The following PPP2R2D variants were observed in gnomAD, a reference collection of about 807,000 sequenced individuals.
PPP2R2D encodes serine/threonine-protein phosphatase 2A 55 kDa regulatory subunit B delta isoform.
In PPP2R2D, 9 loss-of-function variants were observed where a neutral mutation model predicts 31.1. That is an observed-to-expected ratio of 0.29 (90% confidence interval 0.17 to 0.51). The LOEUF is 0.51. Among genes scored for constraint, PPP2R2D ranks in the 20% least tolerant of loss-of-function variants. PPP2R2D has a pLI of 0.98. For missense variants in PPP2R2D, 391 were observed against 465.6 expected, an observed-to-expected ratio of 0.84 and a Z score of 1.48; for synonymous variants, 179 against 172.6, an observed-to-expected ratio of 1.04 and a Z score of -0.29.
intron 3 of PPP2R2D, chr10:131,934,927 T>C (rs1554896257): frequency 2.2e-6 from 1 of 457,458 alleles, no homozygotes; most frequent in East Asian, 6.9e-5. Flanking sequence ...TGCCCTGCCA[T>C]GAAGTGTGAG....
the PPP2R2D span, chr10:131,969,900 CA>C: frequency 6.6e-6 from 1 of 152,420 alleles, no homozygotes; most frequent in African/African-American, 2.4e-5. Context: ...TATAAGCAGC[CA>C]GGAAAGGCCA....
intron 2 of PPP2R2D, among the ~76,000 whole-genome samples, chr10:131,903,774 G>A (rs2035539563): frequency 6.6e-6 from 1 of 152,194 alleles, no homozygotes; most frequent in African/African-American, 2.4e-5. Flanking sequence ...TGATACCGTT[G>A]CTTTGTATTA....
At chr10:131,935,683 T>A (rs1156489869) in intron 3 of PPP2R2D, among the ~76,000 whole-genome samples, 2 of 152,194 alleles carry the variant, frequency 1.3e-5, no homozygotes, top group East Asian at 3.9e-4. Context: ...ATAATAAGTA[T>A]ATCGTTAATA....
rs1554897090 is a variant in PPP2R2D, at chr10:131,940,597, T to G, written c.380T>G (p.Leu127Ter). Residue 127 changes from leucine (L) to a stop codon, truncating the protein, a stop_gained, in exon 5 of 9, where the codon TTA becomes TGA. Transcript: ENST00000455566. LOFTEE classifies it high-confidence loss of function. Reference sequence around the variant, plus strand: ...TTATTTTCAGATAAAACTATAAAATTATGGAAAATAAGTGAACGGGATAAA... The same window carrying G: ...TTATTTTCAGATAAAACTATAAAATGATGGAAAATAAGTGAACGGGATAAA... Reference protein sequence around the residue: ...LLSTNDKTIKLWKISERDKRA... With the variant: ...LLSTNDKTIK The G allele has an allele frequency of 1.3e-6, 1 of 765,802 alleles. No individual in the cohort carries two copies. Among genetic ancestry groups the G allele is most frequent in the Non-Finnish European group, 2.4e-6 (1 of 410,974 alleles). The allele number at this position is 765,802 out of a possible 1,614,324, so 47.4% of individuals were successfully genotyped here.
At chr10:131,906,663 G>A (rs1406837861) in intron 2 of PPP2R2D, among the ~76,000 whole-genome samples, 2 of 151,562 alleles carry the variant, frequency 1.3e-5, no homozygotes, top group African/African-American at 4.9e-5. Flanking sequence ...GCTCACGCCT[G>A]TAGTCTCAGC....
chr10:131,902,343 CT>C, intron 2 of PPP2R2D, among the ~76,000 whole-genome samples: 1 of 152,230 alleles, frequency 6.6e-6, no homozygotes, highest in Middle Eastern at 3.4e-3. Flanking sequence ...GTCCTGTTCA[CT>C]TCCCTCCATC....
At chr10:131,918,103 T>C (rs1448297713) in intron 2 of PPP2R2D, among the ~76,000 whole-genome samples, 1 of 138,278 alleles carries the variant, frequency 7.2e-6, no homozygotes, top group Non-Finnish European at 1.5e-5. Flanking sequence ...TGTAGGGACC[T>C]CAGGCGGGTG....
chr10:131,925,423 T>C (rs2036086686), intron 2 of PPP2R2D, among the ~76,000 whole-genome samples: 1 of 152,252 alleles, frequency 6.6e-6, no homozygotes, highest in Non-Finnish European at 1.5e-5. Context: ...TGTCCTTTAA[T>C]GTTATTAGTA....
the PPP2R2D span, chr10:131,970,775 A>G: frequency 1.2e-6 from 2 of 1,614,168 alleles, no homozygotes; most frequent in South Asian, 2.2e-5. The surrounding 1 kb of genome is among the most constrained non-coding windows in gnomAD (Gnocchi z 4.1). Context: ...TCGGGTGTTT[A>G]AAGAGGAACT....
At chr10:131,962,468 G>A (rs1344735120), downstream of PPP2R2D, among the ~76,000 whole-genome samples, 1 of 152,176 alleles carries the variant, frequency 6.6e-6, no homozygotes, top group Non-Finnish European at 1.5e-5. Flanking sequence ...TGGTGGCTGG[G>A]AAATGCTTCT....
At chr10:131,929,134 G>A (rs552179911) in intron 2 of PPP2R2D, among the ~76,000 whole-genome samples, 1 of 152,288 alleles carries the variant, frequency 6.6e-6, no homozygotes, top group Non-Finnish European at 1.5e-5. Context: ...TACTACCTCG[G>A]AAATCTTGGT....
chr10:131,934,458 C>T lies in PPP2R2D; in HGVS notation c.101C>T (p.Ala34Val), dbSNP rs782454777. The T allele has an allele frequency of 6.4e-6, 5 of 777,612 alleles. No individual in the cohort carries two copies. The highest frequency in any genetic ancestry group is 2.4e-6 in the Non-Finnish European group (1 of 417,074). 48.2% of individuals were successfully genotyped at this position (777,612 alleles called of 1,614,324 possible). A position where few individuals can be genotyped will look rare whatever the true frequency, so the allele number is the denominator to read the frequency against. ...KGAIDEDVAE[A>V]DIISTVEFNY... ...AATCGCTTCTGTATTTTGTTGACAGCGGACATCATTTCCACCGTTGAGTTT... is the reference window on the plus strand; with the variant it reads ...AATCGCTTCTGTATTTTGTTGACAGTGGACATCATTTCCACCGTTGAGTTT... The change falls in exon 3 of 9, where the codon GCG becomes GTG. Residue 34 changes from alanine (A) to valine (V), a missense_variant and splice_region_variant. Physicochemically the swap from Ala to Val is moderately conservative, Grantham distance 64. Around this residue, in one of 3 missense-constraint regions of PPP2R2D, gnomAD observed 105 missense variants for 98.5 expected, o/e 1.07. Coordinates refer to ENST00000455566, the MANE Select transcript of PPP2R2D (RefSeq NM_018461.5).
the PPP2R2D span, chr10:131,968,613 C>G: frequency 1.3e-6 from 2 of 1,522,730 alleles, no homozygotes; most frequent in Non-Finnish European, 9.1e-7. Context: ...TTGTGATTCA[C>G]AGGAGACTGT....
intron 2 of PPP2R2D, among the ~76,000 whole-genome samples, chr10:131,932,667 AAC>A (rs797026958): frequency 0.021 from 2,768 of 132,918 alleles, 143 homozygotes; most frequent in African/African-American, 0.051. Context: ...AAAAAAAAAA[AAC>A]ACACAAAAAA....
chr10:131,944,073 C>A lies in PPP2R2D; in HGVS notation c.583C>A (p.His195Asn), dbSNP rs1469614951. The A allele has an allele frequency of 1.2e-6, 2 of 1,610,194 alleles. No individual in the cohort carries two copies. The highest frequency in any genetic ancestry group is 1.3e-5 in the African/African-American group (1 of 74,860). The change falls in exon 6 of 9, where the codon CAT becomes AAT. Residue 195 changes from histidine (H) to asparagine (N), a missense_variant. Around this residue, in one of 3 missense-constraint regions of PPP2R2D, gnomAD observed 123 missense variants for 187.7 expected, o/e 0.66. Coordinates refer to ENST00000455566, the MANE Select transcript of PPP2R2D (RefSeq NM_018461.5). ...AAATTCCATTTCAGTAAATAGTGAT[C>A]ATGAAACATATCTTTCTGCAGATGA... ...HINSISVNSD[H>N]ETYLSADDLR...
chr10:131,923,476 G>A (rs1487154574), intron 2 of PPP2R2D, among the ~76,000 whole-genome samples: 5 of 152,172 alleles, frequency 3.3e-5, no homozygotes, highest in African/African-American at 1.2e-4. Flanking sequence ...TGGGAATGGA[G>A]CTTGGTCATA....
chr10:131,943,408 G>A (rs782117586), intron 5 of PPP2R2D, among the ~76,000 whole-genome samples: 2 of 152,172 alleles, frequency 1.3e-5, no homozygotes, highest in African/African-American at 4.8e-5. Context: ...ATGAATGTTT[G>A]TAGGGTGCAC....
Position 131,948,696 on chromosome 10 carries a change from A to G in PPP2R2D, c.1082+905A>G, listed in dbSNP as rs145655954. Reference sequence around the variant, plus strand: ...GGAGCATCAGCCCATAGCAGGAACCACTGCCCCTGTGAACAGCAGGTTATG... The same window carrying G: ...GGAGCATCAGCCCATAGCAGGAACCGCTGCCCCTGTGAACAGCAGGTTATG... On this transcript the variant is annotated intron_variant, in intron 8 of 8. Transcript: ENST00000455566. Among the ~76,000 whole-genome samples the G allele has an allele frequency of 9.2e-5, 14 of 152,338 alleles. No homozygotes were observed. The South Asian group carries it at 2.7e-3, about 29-fold the overall frequency.
intron 8 of PPP2R2D, among the ~76,000 whole-genome samples, chr10:131,954,263 A>G (rs1448705157): frequency 6.6e-6 from 1 of 152,260 alleles, no homozygotes; most frequent in African/African-American, 2.4e-5. Flanking sequence ...CGTTATTACC[A>G]TGCACCAGCA....
Sources: gnomAD v4.1 joint callset for allele counts (sites outside exome capture counted in the v4.1 genomes callset) on GRCh38, gnomAD v4.1.1 for gene constraint, gnomAD v4.1.1 regional missense constraint, Gnocchi (gnomAD v3.1) non-coding constraint, MANE v1.5 for transcripts, NCBI Gene and HGNC (gene_info 2026-07-23, HGNC 2026-07-21) for gene names.